Variants in EPHA5 observed in about 807,000 individuals in gnomAD.
EPHA5 encodes EPH receptor A5, also known as ephrin type-A receptor 5.
Under a neutral mutation model 105.0 loss-of-function variants are expected in EPHA5, and 60 were observed. The ratio of observed to expected loss-of-function variants is 0.57; its 90% confidence interval spans 0.46 to 0.71. The LOEUF is 0.71. Among genes scored for constraint, EPHA5 ranks in the 30% least tolerant of loss-of-function variants. The pLI is 0.00. For synonymous variants in EPHA5, 513 were observed against 449.1 expected, an observed-to-expected ratio of 1.14 and a Z score of -1.80; for missense variants, 1,218 against 1,274.7, an observed-to-expected ratio of 0.96 and a Z score of 0.68.
chr4:65,440,703 A>G (rs10007066), intron 5 of EPHA5, among the ~76,000 whole-genome samples: 129,860 of 152,002 alleles, frequency 0.85, 55,875 homozygotes, highest in Middle Eastern at 0.9. Context: ...CAAAGCAAGC[A>G]GGGGGCCTTT....
At chr4:65,629,129 C>T (rs931303867) in intron 2 of EPHA5, among the ~76,000 whole-genome samples, 2 of 152,078 alleles carry the variant, frequency 1.3e-5, no homozygotes, top group African/African-American at 4.8e-5. Context: ...TAAATAAATT[C>T]CACATAGGAA....
At position 65,366,093 on chromosome 4, in the gene EPHA5, T is replaced by C. The variant is rs186689582; in HGVS notation, c.1862-36A>G. 19 of 1,554,752 alleles carry C rather than the reference T, an allele frequency of 1.2e-5. No individual in the cohort carries two copies. The Admixed American group carries it at 2.9e-4, about 24-fold the overall frequency. On this transcript the variant is annotated intron_variant, in intron 9 of 16. Coordinates refer to ENST00000613740, the MANE Select transcript of EPHA5 (RefSeq NM_001281766.3). ...AAATTGGCATTAAAACAGAAGTAGT[T>C]GTGATGGATGAGCAAAATTATGAAC...
At chr4:65,439,345 AT>A (rs1056791780) in intron 5 of EPHA5, among the ~76,000 whole-genome samples, 1 of 152,114 alleles carries the variant, frequency 6.6e-6, no homozygotes, top group African/African-American at 2.4e-5. Flanking sequence ...TGTTTGTTCT[AT>A]TTGTGTCTAA....
At chr4:65,427,093 T>C (rs1359604929) in intron 5 of EPHA5, among the ~76,000 whole-genome samples, 1 of 151,704 alleles carries the variant, frequency 6.6e-6, no homozygotes, top group Non-Finnish European at 1.5e-5. Context: ...AGAATATATA[T>C]GCGAATATAC....
At chr4:65,353,342 A>G (rs1375183300) in intron 11 of EPHA5, among the ~76,000 whole-genome samples, 2 of 148,360 alleles carry the variant, frequency 1.3e-5, no homozygotes, top group East Asian at 3.9e-4. Flanking sequence ...TATTTTAAAA[A>G]CATTTTTTAA....
At chr4:65,643,164 C>T (rs1352225505) in intron 2 of EPHA5, among the ~76,000 whole-genome samples, 199 bp downstream of exon 2, 2 of 151,974 alleles carry the variant, frequency 1.3e-5, no homozygotes, top group Admixed American at 6.6e-5. Context: ...TATATTGACT[C>T]TTCAGTCACT....
At chr4:65,509,970 T>G (rs1578290410) in intron 3 of EPHA5, among the ~76,000 whole-genome samples, 1 of 152,128 alleles carries the variant, frequency 6.6e-6, no homozygotes, top group Admixed American at 6.5e-5. Flanking sequence ...CTTACAAATG[T>G]TCTAACCATT....
Position 65,404,460 on chromosome 4 carries a change from A to AT in EPHA5, c.1706dup (p.Asp569GlufsTer50). 6.2e-7 allele frequency: 1 copy of AT among 1,613,758 alleles called. No individual in the cohort carries two copies. The highest frequency in any genetic ancestry group is 8.5e-7 in the Non-Finnish European group (1 of 1,179,776). On this transcript the variant is annotated frameshift_variant, in exon 8 of 17. Coordinates refer to ENST00000613740, the MANE Select transcript of EPHA5 (RefSeq NM_001281766.3). LOFTEE classifies it high-confidence loss of function. ...CAGCAATTACAGGAATCTGGCTTTG[A>AT]TCGCTGGATGCTGCAACTGCTGATA...
At chr4:65,591,665 G>A (rs1000946466) in intron 3 of EPHA5, among the ~76,000 whole-genome samples, 11 of 151,760 alleles carry the variant, frequency 7.2e-5, no homozygotes, top group African/African-American at 2.7e-4. Flanking sequence ...CTGTAAGGAA[G>A]TACAGGGACT....
intron 3 of EPHA5, among the ~76,000 whole-genome samples, chr4:65,530,457 T>C (rs1348194737): frequency 6.6e-6 from 1 of 152,106 alleles, no homozygotes; most frequent in African/African-American, 2.4e-5. Flanking sequence ...GTGTTTGTTG[T>C]GTGTGTTTGT....
chr4:65,504,250 T>C (rs1169660384), intron 3 of EPHA5, among the ~76,000 whole-genome samples: 1 of 151,306 alleles, frequency 6.6e-6, no homozygotes, highest in Non-Finnish European at 1.5e-5. Flanking sequence ...CAAAATACTT[T>C]TAAATTTGGT....
intron 3 of EPHA5, among the ~76,000 whole-genome samples, chr4:65,597,934 T>C (rs1208096708): frequency 1.3e-5 from 2 of 152,076 alleles, no homozygotes; most frequent in Admixed American, 6.6e-5. Context: ...AGGCCATGTG[T>C]CAACTCCATC....
intron 14 of EPHA5, among the ~76,000 whole-genome samples, chr4:65,343,656 G>T (rs1721946164): frequency 6.6e-6 from 1 of 152,046 alleles, no homozygotes. Context: ...ACAAAATTTG[G>T]ACAGAAATTA....
chr4:65,453,717 C>G (rs1727288083), intron 5 of EPHA5, among the ~76,000 whole-genome samples: 1 of 152,174 alleles, frequency 6.6e-6, no homozygotes, highest in African/African-American at 2.4e-5. Context: ...GTGGATAGCC[C>G]ACCCCAAGGG....
intron 3 of EPHA5, among the ~76,000 whole-genome samples, chr4:65,535,465 T>C (rs1435325826): frequency 1.3e-5 from 2 of 152,162 alleles, no homozygotes; most frequent in Non-Finnish European, 2.9e-5. Flanking sequence ...ATGTCAAATG[T>C]TAAAAATGCA....
intron 3 of EPHA5, among the ~76,000 whole-genome samples, chr4:65,529,789 A>G (rs1735589374): frequency 6.6e-6 from 1 of 152,120 alleles, no homozygotes; most frequent in Admixed American, 6.5e-5. Context: ...TTAAATTGGT[A>G]TGATTGGAAT....
At chr4:65,338,294 C>CT (rs1431471597) in intron 14 of EPHA5, among the ~76,000 whole-genome samples, 4 of 151,936 alleles carry the variant, frequency 2.6e-5, no homozygotes. Flanking sequence ...TTTTTATTCC[C>CT]TTTAACAGCA....
At chr4:65,604,234 T>G (rs1744012195) in intron 2 of EPHA5, among the ~76,000 whole-genome samples, 1 of 152,182 alleles carries the variant, frequency 6.6e-6, no homozygotes, top group Admixed American at 6.5e-5. Context: ...AGCCTTTGTC[T>G]GTACAAAGTC....
intron 7 of EPHA5, among the ~76,000 whole-genome samples, chr4:65,413,267 T>C (rs915135527): frequency 1.3e-5 from 2 of 152,096 alleles, no homozygotes; most frequent in African/African-American, 4.8e-5. Context: ...GAAAACAAAT[T>C]TATAATTTTT....
Sources: allele counts gnomAD v4.1 joint callset (sites outside exome capture counted in the v4.1 genomes callset), GRCh38; gene constraint gnomAD v4.1.1; transcripts MANE v1.5; gene names NCBI Gene and HGNC (gene_info 2026-07-23, HGNC 2026-07-21).